Variants in CCDC66 observed in about 807,000 individuals in gnomAD.
The protein encoded by CCDC66 is coiled-coil domain containing 66.
CCDC66 carries 133 observed loss-of-function variants against 128.3 expected under a neutral mutation model. That is an observed-to-expected ratio of 1.04 (90% CI 0.90 to 1.20). The LOEUF (loss-of-function observed/expected upper bound fraction) is 1.20, where lower values mean the gene tolerates loss of function less well. CCDC66 is among the 50% of genes most tolerant of loss of function. The pLI is 0.00. For synonymous variants in CCDC66, 387 were observed against 357.0 expected, an observed-to-expected ratio of 1.08 and a Z score of -0.95; for missense variants, 1,126 against 1,075.5, an observed-to-expected ratio of 1.05 and a Z score of -0.66.
At chr3:56,614,126 A>G (rs377206822) in intron 11 of CCDC66, among the ~76,000 whole-genome samples, 6 of 152,310 alleles carry the variant, frequency 3.9e-5, no homozygotes, top group African/African-American at 1.4e-4. Flanking sequence ...GAACATTTCT[A>G]TTATTTTGAA....
At position 56,619,876 on chromosome 3, in the gene CCDC66, T is replaced by G. The variant is rs1559791258; in HGVS notation, c.2735T>G (p.Leu912Arg). Residue 912 changes from leucine (L) to arginine (R), a missense_variant, in exon 17 of 18, where the codon CTT becomes CGT. Leu to Arg is a moderately radical substitution (Grantham distance 102). Coordinates refer to ENST00000394672, the MANE Select transcript of CCDC66 (RefSeq NM_001141947.3). ...VKNRDRQQAI[L>R]KGLSELRQGL... is the part of the protein sequence containing the mutation. ...AATAGGGATCGACAGCAAGCAATCC[T>G]TAAGGGACTTTCAGAACTGAGACAG... 5 of 1,614,004 alleles carry G rather than the reference T, an allele frequency of 3.1e-6. No homozygotes were observed. Among genetic ancestry groups the G allele is most frequent in the Non-Finnish European group, 4.2e-6 (5 of 1,179,938 alleles).
At chr3:56,593,417 C>T in intron 8 of CCDC66, 74 bp from the exon 9 acceptor site, 8 of 1,519,662 alleles carry the variant, frequency 5.3e-6, no homozygotes, top group Non-Finnish European at 7.2e-6. Context: ...TAGAAATCAT[C>T]TTTGGTTGTC....
intron 6 of CCDC66, among the ~76,000 whole-genome samples, chr3:56,568,561 C>G (rs2066202636): frequency 6.6e-6 from 1 of 152,208 alleles, no homozygotes; most frequent in Non-Finnish European, 1.5e-5. Flanking sequence ...TTAATGTCAT[C>G]AGTACATTCT....
chr3:56,565,062 A>G (rs920835461), intron 4 of CCDC66: 2 of 289,904 alleles, frequency 6.9e-6, no homozygotes, highest in African/African-American at 2.2e-5. Context: ...GAACTAGCAC[A>G]TTCAAAAGAA....
chr3:56,619,435 C>T lies in CCDC66; in HGVS notation c.2543C>T (p.Pro848Leu), dbSNP rs202228962. ...SGISESSHFI[P>L]YVRTNEIYYL... is the part of the protein sequence containing the mutation. Reference sequence around the variant, plus strand: ...ATTTCTGAATCATCCCATTTTATTCCGTATGTTCGAACAAATGAGATCTAT... The same window carrying T: ...ATTTCTGAATCATCCCATTTTATTCTGTATGTTCGAACAAATGAGATCTAT... Residue 848 changes from proline to leucine, a missense_variant, in exon 16 of 18, where the codon CCG (proline) becomes CTG (leucine). Pro to Leu is a moderately conservative substitution (Grantham distance 98). Coordinates refer to ENST00000394672, the MANE Select transcript of CCDC66 (RefSeq NM_001141947.3). The T allele has an allele frequency of 1.0e-4, 169 of 1,613,852 alleles. 1 individual carries two copies. The highest frequency in any genetic ancestry group is 9.9e-4 in the Middle Eastern group (6 of 6,062).
rs1270955631 is a variant in CCDC66, at chr3:56,614,336, T to C, written c.1566+586T>C. ...TTCATTTTTATCTACTCCTAGTTTTTTTGCTTCATTTCTAAGCAATAATTA... is the reference window on the plus strand; with the variant it reads ...TTCATTTTTATCTACTCCTAGTTTTCTTGCTTCATTTCTAAGCAATAATTA... On this transcript the variant is annotated intron_variant, in intron 11 of 17. Coordinates refer to ENST00000394672, the MANE Select transcript of CCDC66 (RefSeq NM_001141947.3). Among the ~76,000 whole-genome samples the C allele has an allele frequency of 2.0e-5, 3 of 152,330 alleles. No individual in the cohort carries two copies. In the South Asian group the frequency reaches 6.2e-4, roughly 32 times the overall value.
chr3:56,615,256 G>T lies in CCDC66; in HGVS notation c.1695G>T (p.Leu565=). Residue 565 remains leucine, a synonymous_variant, in exon 12 of 18, where the codon CTG becomes CTT. Transcript: ENST00000394672. ...LAQKGHDTSR[L]IKNLGVDTIQ... ...AAAAGGGACATGACACTTCTAGACT[G>T]ATTAAAAATCTTGGTGGTAAGGGCC... The T allele has an allele frequency of 6.2e-7, 1 of 1,608,920 alleles. No individual in the cohort carries two copies. The highest frequency in any genetic ancestry group is 1.3e-5 in the African/African-American group (1 of 74,850).
At chr3:56,598,149 GT>G (rs753758905) in intron 10 of CCDC66, among the ~76,000 whole-genome samples, 1 of 23,136 alleles carries the variant, frequency 4.3e-5, no homozygotes, top group Non-Finnish European at 2.2e-4. Context: ...GTTTTGTTTT[GT>G]TTTGTTTGTT....
chr3:56,573,494 C>T (rs2066912351), intron 7 of CCDC66, among the ~76,000 whole-genome samples: 1 of 152,176 alleles, frequency 6.6e-6, no homozygotes, highest in Non-Finnish European at 1.5e-5. Flanking sequence ...TAGAAGGAGT[C>T]ATGAATATTT....
intron 7 of CCDC66, among the ~76,000 whole-genome samples, chr3:56,579,211 T>G (rs2067904791): frequency 6.6e-6 from 1 of 151,912 alleles, no homozygotes; most frequent in Non-Finnish European, 1.5e-5. Context: ...GTTTATAGTA[T>G]TCTCTGATGT....
In CCDC66 at chr3:56,621,573, G is replaced by C. The variant is rs2076642837; in HGVS notation, c.2802G>C (p.Leu934=). 6.2e-7 allele frequency: 1 copy of C among 1,601,848 alleles called. No individual in the cohort carries two copies. Residue 934 remains leucine, a synonymous_variant, in exon 18 of 18, where the codon CTG becomes CTC. Transcript: ENST00000394672. ...AAAAGGAGTTGGAAAGTAGTCTCCT[G>C]CCTTTAGCTGAAAATCAAGAAGAGA... ...QKQKELESSL[L]PLAENQEESF...
chr3:56,584,140 G>C lies in CCDC66; in HGVS notation c.937-8830G>C, dbSNP rs2069031950. 1.4e-5 allele frequency among the ~76,000 whole-genome samples: 2 copies of C among 147,954 alleles called. 1 individual carries two copies. Among genetic ancestry groups the C allele is most frequent in the South Asian group, 4.2e-4 (2 of 4,792 alleles). On this transcript the variant is annotated intron_variant, in intron 7 of 17. Transcript: ENST00000394672. ...CCCCACCTCCCTCCCGGACGGGGCG[G>C]CTGGCCGGGCGGGGGCGGCCCCCCA...
At position 56,593,644 on chromosome 3, in the gene CCDC66, T is replaced by C. The variant is rs751636177; in HGVS notation, c.1222T>C (p.Cys408Arg). The C allele has an allele frequency of 6.2e-7, 1 of 1,614,226 alleles. No homozygotes were observed. The highest frequency in any genetic ancestry group is 1.1e-5 in the South Asian group (1 of 91,086). Reference sequence around the variant, plus strand: ...GGAGCTGGCTGATGTCAGCAGTGTTTGTACACCTACAACCGGAAGCCAGGT... The same window carrying C: ...GGAGCTGGCTGATGTCAGCAGTGTTCGTACACCTACAACCGGAAGCCAGGT... ...TQELADVSSV[C>R]TPTTGSQVEP... is the part of the protein sequence containing the mutation. Residue 408 changes from cysteine (C) to arginine (R), a missense_variant, in exon 9 of 18, where the codon TGT (cysteine) becomes CGT (arginine). Physicochemically the swap from Cys to Arg is radical, Grantham distance 180 (BLOSUM62 -3). Coordinates refer to ENST00000394672, the MANE Select transcript of CCDC66 (RefSeq NM_001141947.3).
At chr3:56,603,705 A>G (rs1189503947) in intron 10 of CCDC66, among the ~76,000 whole-genome samples, 4 of 151,952 alleles carry the variant, frequency 2.6e-5, no homozygotes, top group Non-Finnish European at 5.9e-5. Flanking sequence ...TTTACTTCCA[A>G]TTGTGTGGTT....
At position 56,618,160 on chromosome 3, in the gene CCDC66, T is replaced by C. The variant is rs562280978; in HGVS notation, c.2338-12T>C. ...ATATATTCCTTTCTGCATTTATCTA[T>C]CCATATTTTAGGAAGAAGAGCCTCT... On this transcript the variant is annotated splice_polypyrimidine_tract_variant and intron_variant, in intron 14 of 17. Coordinates refer to ENST00000394672, the MANE Select transcript of CCDC66 (RefSeq NM_001141947.3). The C allele has an allele frequency of 1.2e-6, 2 of 1,602,944 alleles. No homozygotes were observed. Among genetic ancestry groups the C allele is most frequent in the African/African-American group, 2.7e-5 (2 of 74,770 alleles).
In CCDC66 at chr3:56,619,801, T is replaced by C. The variant is rs1414387685; in HGVS notation, c.2660T>C (p.Phe887Ser). The C allele has an allele frequency of 1.2e-6, 2 of 1,613,974 alleles. No individual in the cohort carries two copies. The highest frequency in any genetic ancestry group is 1.7e-6 in the Non-Finnish European group (2 of 1,179,980). Residue 887 changes from phenylalanine (F) to serine (S), a missense_variant, in exon 17 of 18, where the codon TTT (phenylalanine) becomes TCT (serine). By Grantham distance (155) the Phe-to-Ser change is radical (BLOSUM62 -2). Coordinates refer to ENST00000394672, the MANE Select transcript of CCDC66 (RefSeq NM_001141947.3). ...GACTGTGGCCAAAAACGACAGCTATTTGATTCTGACTGTGTCAGGGATCCA... is the reference window on the plus strand; with the variant it reads ...GACTGTGGCCAAAAACGACAGCTATCTGATTCTGACTGTGTCAGGGATCCA... ...SQDCGQKRQL[F>S]DSDCVRDPLL...
chr3:56,621,750 C>CTA lies in CCDC66; in HGVS notation c.*134_*135dup. 1 of 425,564 alleles carries CTA rather than the reference C, an allele frequency of 2.3e-6. No homozygotes were observed. Among genetic ancestry groups the CTA allele is most frequent in the Non-Finnish European group, 4.2e-6 (1 of 238,540 alleles). 26.4% of individuals were successfully genotyped at this position (425,564 alleles called of 1,614,324 possible). On this transcript the variant is annotated 3_prime_UTR_variant, in exon 18 of 18. Transcript: ENST00000394672. Reference sequence around the variant, plus strand: ...TAAATGCTCATTAAAAACTTGTATACTATGTAGTAAAATGCTGTACTTGTT... The same window carrying CTA: ...TAAATGCTCATTAAAAACTTGTATACTATATGTAGTAAAATGCTGTACTTGTT...
chr3:56,574,664 G>A lies in CCDC66; in HGVS notation c.936+3362G>A, dbSNP rs145423463. ...GTGCTTAGAATAGTGACTGACAATA[G>A]AACAAATGCTAACAAAGTTTTGTTC... On this transcript the variant is annotated intron_variant, in intron 7 of 17. Coordinates refer to ENST00000394672, the MANE Select transcript of CCDC66 (RefSeq NM_001141947.3). Among the ~76,000 whole-genome samples the A allele has an allele frequency of 2.3e-4, 35 of 151,914 alleles. 1 individual carries two copies. In the South Asian group the frequency reaches 3.5e-3, roughly 15 times the overall value.
chr3:56,558,378 G>C (rs572634774), intron 1 of CCDC66, among the ~76,000 whole-genome samples: 24 of 152,302 alleles, frequency 1.6e-4, no homozygotes, highest in African/African-American at 5.5e-4. Flanking sequence ...AATATTGAAA[G>C]TGGTACTCTT....
Sources: gnomAD v4.1 joint callset for allele counts (sites outside exome capture counted in the v4.1 genomes callset) on GRCh38, gnomAD v4.1.1 for gene constraint, MANE v1.5 for transcripts, NCBI Gene and HGNC (gene_info 2026-07-23, HGNC 2026-07-21) for gene names.